Variants in B4GALT6 observed in about 807,000 individuals in gnomAD.
B4GALT6 encodes the protein beta-1,4-galactosyltransferase 6.
Under a neutral mutation model 46.3 loss-of-function variants are expected in B4GALT6, and 14 were observed. The observed-to-expected ratio is 0.30, with a 90% CI of 0.20 to 0.47. The LOEUF (loss-of-function observed/expected upper bound fraction) is 0.47, where lower values mean the gene tolerates loss of function less well. B4GALT6 is among the 20% of genes least tolerant of loss of function. The pLI, the probability that B4GALT6 is intolerant of heterozygous loss-of-function variation, is 0.99. For synonymous variants in B4GALT6, 168 were observed against 162.0 expected (o/e 1.04, Z -0.28); for missense variants, 386 against 480.1 (o/e 0.80, Z 1.83).
rs551331880 is a variant in B4GALT6 at position 31,622,446 on chromosome 18, C to G, written c.*3168G>C. ...AAACAATACTATAACCATTTTAGTT[C>G]TCTCAACCGGCATACTTGCAAATAC... is the stretch of plus-strand genomic sequence containing the variant. On this transcript the variant is annotated 3_prime_UTR_variant, in exon 9 of 9. Coordinates refer to ENST00000306851, the MANE Select transcript of B4GALT6 (RefSeq NM_004775.5). The G allele has an allele frequency of 6.6e-6, 1 of 151,918 alleles. No individual in the cohort carries two copies. The highest frequency in any genetic ancestry group is 2.4e-5 in the African/African-American group (1 of 41,412). The allele number at this position is 151,918 out of a possible 1,614,324, so 9.4% of individuals were successfully genotyped here. A position where few individuals can be genotyped will look rare whatever the true frequency, so the allele number is the denominator to read the frequency against.
chr18:31,644,210 A>G (rs1319190868), intron 4 of B4GALT6, among the ~76,000 whole-genome samples: 2 of 152,252 alleles, frequency 1.3e-5, no homozygotes, highest in Non-Finnish European at 2.9e-5. Context: ...AAGAAAGCTG[A>G]CCATTTATTG....
the B4GALT6 span, among the ~76,000 whole-genome samples, chr18:31,703,155 G>T: frequency 1.3e-5 from 2 of 152,104 alleles, no homozygotes; most frequent in Non-Finnish European, 2.9e-5. Flanking sequence ...AAAGCATCTT[G>T]ATAGTCATCT....
At chr18:31,708,732 C>T in the B4GALT6 span, among the ~76,000 whole-genome samples, 1 of 152,022 alleles carries the variant, frequency 6.6e-6, no homozygotes, top group African/African-American at 2.4e-5. Flanking sequence ...GTCTGAACTT[C>T]CCACTTCTCC....
chr18:31,711,861 C>T, the B4GALT6 span, among the ~76,000 whole-genome samples: 14 of 152,168 alleles, frequency 9.2e-5, no homozygotes, highest in African/African-American at 3.4e-4. Flanking sequence ...AACACTATTG[C>T]AAAATGAAAG....
At chr18:31,629,509 A>C in intron 6 of B4GALT6, among the ~76,000 whole-genome samples, 1 of 90,480 alleles carries the variant, frequency 1.1e-5, no homozygotes, top group East Asian at 3.6e-4. Context: ...CCTGGATCTA[A>C]TGTGATTCTA....
chr18:31,682,343 A>G (rs761135306), intron 1 of B4GALT6, among the ~76,000 whole-genome samples: 1 of 152,212 alleles, frequency 6.6e-6, no homozygotes, highest in Non-Finnish European at 1.5e-5. Context: ...AAACAGATTC[A>G]GCTTGACAAT....
the B4GALT6 span, among the ~76,000 whole-genome samples, chr18:31,691,475 T>C: frequency 6.6e-6 from 1 of 151,746 alleles, no homozygotes; most frequent in South Asian, 2.1e-4. Context: ...AGATGAAAGA[T>C]AGTATACTAT....
chr18:31,682,983 T>C (rs1320173224), intron 1 of B4GALT6, among the ~76,000 whole-genome samples: 1 of 152,200 alleles, frequency 6.6e-6, no homozygotes, highest in African/African-American at 2.4e-5. Context: ...TTTTGTTTTT[T>C]CTGGCCTAAA....
chr18:31,672,585 C>T (rs2074368690), intron 1 of B4GALT6, among the ~76,000 whole-genome samples: 1 of 152,174 alleles, frequency 6.6e-6, no homozygotes, highest in Admixed American at 6.5e-5. Flanking sequence ...TGAAATGCTG[C>T]AGATGCTAAG....
chr18:31,679,778 C>T (rs566637302), intron 1 of B4GALT6, among the ~76,000 whole-genome samples: 1 of 152,184 alleles, frequency 6.6e-6, no homozygotes, highest in Non-Finnish European at 1.5e-5. Flanking sequence ...AATAGCCCCC[C>T]AAAGACGTGA....
At chr18:31,658,296 A>G (rs377381018) in intron 2 of B4GALT6, 4 of 464,884 alleles carry the variant, frequency 8.6e-6, no homozygotes, top group East Asian at 7.2e-5. Flanking sequence ...ACATCTAGAG[A>G]GCAGCACACC....
intron 3 of B4GALT6, among the ~76,000 whole-genome samples, chr18:31,652,914 T>A (rs1157832129): frequency 6.6e-6 from 1 of 152,220 alleles, no homozygotes; most frequent in Non-Finnish European, 1.5e-5. Flanking sequence ...CAGCTTCTCA[T>A]GTGAATAATC....
At chr18:31,651,741 T>G (rs1231266065) in intron 3 of B4GALT6, among the ~76,000 whole-genome samples, 1 of 152,076 alleles carries the variant, frequency 6.6e-6, no homozygotes, top group Non-Finnish European at 1.5e-5. Context: ...CCCTTGTGCT[T>G]CTCCCTCATC....
At position 31,650,792 on chromosome 18, in the gene B4GALT6, G is replaced by A. The variant is rs748752102; in HGVS notation, c.347-5313C>T. Among the ~76,000 whole-genome samples, 7 of 151,388 alleles carry A rather than the reference G, an allele frequency of 4.6e-5. No homozygotes were observed. In the South Asian group the frequency reaches 6.3e-4, roughly 14 times the overall value. On this transcript the variant is annotated intron_variant, in intron 3 of 8. Transcript: ENST00000306851. ...ATCCCAGCTGCATTTTTTTTGAGAC[G>A]GAGTCTCGCTCTGTCACCCAGGCTG... is the stretch of plus-strand genomic sequence containing the variant.
chr18:31,645,427 T>C lies in B4GALT6; in HGVS notation c.399A>G (p.Gln133=), dbSNP rs778544529. ...VSEVSFDEIH[Q]LFSKDLDIEP... is the part of the protein sequence containing the mutation. Reference sequence around the variant, plus strand: ...CAATATCTAAATCCTTGGAGAAGAGTTGATGAATTTCATCAAAACTGACTT... The same window carrying C: ...CAATATCTAAATCCTTGGAGAAGAGCTGATGAATTTCATCAAAACTGACTT... Residue 133 remains glutamine (Q), a synonymous_variant, in exon 4 of 9, where the codon CAA becomes CAG. Coordinates refer to ENST00000306851, the MANE Select transcript of B4GALT6 (RefSeq NM_004775.5). 8.1e-6 allele frequency: 13 copies of C among 1,613,494 alleles called. No individual in the cohort carries two copies. In the African/African-American group the frequency reaches 1.1e-4, roughly 13 times the overall value.
chr18:31,648,190 T>C (rs1220254479), intron 3 of B4GALT6, among the ~76,000 whole-genome samples: 1 of 152,204 alleles, frequency 6.6e-6, no homozygotes, highest in Non-Finnish European at 1.5e-5. Flanking sequence ...TTGGTTGTTG[T>C]TGTTCTTAAT....
chr18:31,687,741 G>A (rs981715390), upstream of B4GALT6, among the ~76,000 whole-genome samples: 9 of 152,022 alleles, frequency 5.9e-5, no homozygotes, highest in African/African-American at 1.7e-4. Context: ...TAGGGACACC[G>A]TGCTCTTAAA....
rs2073662904 is a variant in B4GALT6 at position 31,624,618 on chromosome 18, A to T, written c.*996T>A. 1.3e-5 allele frequency: 2 copies of T among 152,052 alleles called. No homozygotes were observed. The highest frequency in any genetic ancestry group is 4.1e-4 in the South Asian group (2 of 4,828). The allele number at this position is 152,052 out of a possible 1,614,324, so 9.4% of individuals were successfully genotyped here. ...ACTATTGGGTTTTCTTCCATAGATC[A>T]TTCTTTTAAAAAAACTGACTTGATT... On this transcript the variant is annotated 3_prime_UTR_variant, in exon 9 of 9. Coordinates refer to ENST00000306851, the MANE Select transcript of B4GALT6 (RefSeq NM_004775.5).
chr18:31,624,660 T>C lies in B4GALT6; in HGVS notation c.*954A>G, dbSNP rs759325528. 2.7e-4 allele frequency: 41 copies of C among 152,138 alleles called. No homozygotes were observed. Among genetic ancestry groups the C allele is most frequent in the Non-Finnish European group, 5.6e-4 (38 of 67,986 alleles). 9.4% of individuals were successfully genotyped at this position (152,138 alleles called of 1,614,324 possible). ...GACTTGATTTCTTTTTAAATGAAGA[T>C]ACTTTTTTTTGGCTCTTCTGAACTG... On this transcript the variant is annotated 3_prime_UTR_variant, in exon 9 of 9. Coordinates refer to ENST00000306851, the MANE Select transcript of B4GALT6 (RefSeq NM_004775.5).
Sources: gnomAD v4.1 joint callset for allele counts (sites outside exome capture counted in the v4.1 genomes callset) on GRCh38, gnomAD v4.1.1 for gene constraint, MANE v1.5 for transcripts, NCBI Gene and HGNC (gene_info 2026-07-23, HGNC 2026-07-21) for gene names.